The following GRID2IP variants were observed in gnomAD, a reference collection of about 807,000 sequenced individuals.
The protein encoded by GRID2IP is Grid2 interacting protein, also known as delphilin.
GRID2IP carries 78 observed loss-of-function variants against 114.3 expected under a neutral mutation model. The observed-to-expected ratio is 0.68, with a 90% confidence interval of 0.57 to 0.82. GRID2IP has a LOEUF of 0.82. Ranked by LOEUF, GRID2IP falls within the 40% of genes least tolerant of loss-of-function variation. The pLI is 0.00. For synonymous variants in GRID2IP, 809 were observed against 724.0 expected (o/e 1.12, Z -1.89); for missense variants, 1,727 against 1,678.5 (o/e 1.03, Z -0.51).
At chr7:6,503,785 C>G in intron 15 of GRID2IP, 98 bp from the exon 16 acceptor site, 1 of 867,030 alleles carries the variant, frequency 1.2e-6, no homozygotes, top group South Asian at 1.9e-5. Context: ...AGAGGGCGGA[C>G]ACGGGGCGGG....
At chr7:6,531,823 G>A (rs1054868006) in intron 2 of GRID2IP, among the ~76,000 whole-genome samples, 2 of 152,232 alleles carry the variant, frequency 1.3e-5, no homozygotes, top group African/African-American at 4.8e-5. Context: ...CCAGGAGAGG[G>A]CTGATGCTGG....
chr7:6,546,852 A>C (rs1259494766), intron 1 of GRID2IP, among the ~76,000 whole-genome samples: 3 of 152,018 alleles, frequency 2.0e-5, no homozygotes, highest in African/African-American at 7.2e-5. Context: ...GCCCCCTTCC[A>C]ACTCTGCAGG....
In GRID2IP at chr7:6,540,408, G is replaced by A. The variant is rs1319012690; in HGVS notation, c.430-536C>T. Reference sequence around the variant, plus strand: ...ATTACAAGCGTGAGCCACCGCGGCCGGCCATATCATGCCATTTCTAACCAT... The same window carrying A: ...ATTACAAGCGTGAGCCACCGCGGCCAGCCATATCATGCCATTTCTAACCAT... On this transcript the variant is annotated intron_variant, in intron 1 of 21. Transcript: ENST00000457091. Among the ~76,000 whole-genome samples the A allele has an allele frequency of 6.6e-5, 10 of 152,122 alleles. No individual in the cohort carries two copies. In the East Asian group the frequency reaches 1.4e-3, roughly 21 times the overall value.
chr7:6,519,164 G>A lies in GRID2IP; in HGVS notation c.1268+1414C>T, dbSNP rs1779367246. On this transcript the variant is annotated intron_variant, in intron 7 of 21. Coordinates refer to ENST00000457091, the MANE Select transcript of GRID2IP (RefSeq NM_001145118.2). The surrounding 1 kb of genome is among the most constrained non-coding windows in gnomAD (Gnocchi z 4.1). ...ACTCCTGGGCTCAAGCGATCCTCCT[G>A]CCTCAGCCTCCCAAAGTGCTGGGAT... 2.0e-5 allele frequency among the ~76,000 whole-genome samples: 3 copies of A among 152,194 alleles called. No individual in the cohort carries two copies. In the South Asian group the frequency reaches 6.2e-4, roughly 32 times the overall value.
chr7:6,539,689 C>A, intron 2 of GRID2IP, 29 bp downstream of exon 2: 1 of 1,521,178 alleles, frequency 6.6e-7, no homozygotes, highest in Non-Finnish European at 8.9e-7. Flanking sequence ...CCCACCCTGC[C>A]TGTCTATCCT....
rs1256765683 is a variant in GRID2IP, at chr7:6,509,633, G to T, written c.1772-320C>A. 7.9e-5 allele frequency among the ~76,000 whole-genome samples: 12 copies of T among 152,150 alleles called. No homozygotes were observed. ...TGGAGGGGTTTCTCTAGGGCCCAGA[G>T]CCACAGTCATGGAGCGTCTCGCGCA... On this transcript the variant is annotated intron_variant, in intron 11 of 21. Transcript: ENST00000457091. This position sits in a 1 kb window ranked among gnomAD's most constrained non-coding sequence, Gnocchi z 4.9.
At position 6,536,749 on chromosome 7, in the gene GRID2IP, G is replaced by A; in HGVS notation, c.584+2969C>T. The A allele has an allele frequency of 1.4e-6, 1 of 699,644 alleles. No homozygotes were observed. Among genetic ancestry groups the A allele is most frequent in the Middle Eastern group, 2.3e-4 (1 of 4,358 alleles). 43.3% of individuals were successfully genotyped at this position (699,644 alleles called of 1,614,324 possible). A position where few individuals can be genotyped will look rare whatever the true frequency, so the allele number is the denominator to read the frequency against. On this transcript the variant is annotated intron_variant, in intron 2 of 21. Transcript: ENST00000457091. This position sits in a 1 kb window ranked among gnomAD's most constrained non-coding sequence, Gnocchi z 5.3. ...CTCAGAGCCAGCGCATCATCTCCGC[G>A]GCAAATTCGGCTCTAGAAATAACTT...
rs1300225506 is a variant in GRID2IP, at chr7:6,528,297, C to A, written c.585-1528G>T. Among the ~76,000 whole-genome samples the A allele has an allele frequency of 2.0e-5, 3 of 152,170 alleles. No homozygotes were observed. Among genetic ancestry groups the A allele is most frequent in the African/African-American group, 7.2e-5 (3 of 41,442 alleles). ...GAGACTCAGTCAACAGGAGATCCAC[C>A]AGCAGCCTAACCCCATCTCTGAGTA... On this transcript the variant is annotated intron_variant, in intron 2 of 21. Coordinates refer to ENST00000457091, the MANE Select transcript of GRID2IP (RefSeq NM_001145118.2). This position sits in a 1 kb window ranked among gnomAD's most constrained non-coding sequence, Gnocchi z 6.0.
At chr7:6,505,170 G>A (rs1254265143) in intron 14 of GRID2IP, among the ~76,000 whole-genome samples, 1 of 152,086 alleles carries the variant, frequency 6.6e-6, no homozygotes, top group African/African-American at 2.4e-5. Flanking sequence ...AAGGGGTGAG[G>A]GCAAGAGAGC....
Position 6,509,209 on chromosome 7 carries a change from C to T in GRID2IP, c.1876G>A (p.Glu626Lys), listed in dbSNP as rs1205333592. 2 of 1,493,336 alleles carry T rather than the reference C, an allele frequency of 1.3e-6. No homozygotes were observed. Among genetic ancestry groups the T allele is most frequent in the Non-Finnish European group, 8.9e-7 (1 of 1,118,742 alleles). The allele number at this position is 1,493,336 out of a possible 1,614,324, so 92.5% of individuals were successfully genotyped here. The change falls in exon 12 of 22, where the codon GAG becomes AAG. Residue 626 changes from glutamate (E) to lysine (K), a missense_variant. Transcript: ENST00000457091. The surrounding 1 kb of genome is among the most constrained non-coding windows in gnomAD (Gnocchi z 4.9). ...SGGLASPSSS[E>K]SHPYASLDSS... is the part of the protein sequence containing the mutation. ...TCCAGGCTGGCGTAGGGGTGGGACT[C>T]AGAGCTGCTGGGGGAGGCCAGACCC... is the stretch of plus-strand genomic sequence containing the variant.
chr7:6,503,761 G>T, intron 15 of GRID2IP, 74 bp from the exon 16 acceptor site: 1 of 1,159,580 alleles, frequency 8.6e-7, no homozygotes, highest in Non-Finnish European at 1.2e-6. Flanking sequence ...GGAGAGGGCA[G>T]GGCAGAGGCG....
chr7:6,536,843 A>G lies in GRID2IP; in HGVS notation c.584+2875T>C. On this transcript the variant is annotated intron_variant, in intron 2 of 21. Transcript: ENST00000457091. The surrounding 1 kb of genome is among the most constrained non-coding windows in gnomAD (Gnocchi z 5.3). ...ACCCCTTACTCACCCCAGGCAGCTC[A>G]TGGTGGCCTCTTTCGGTGGTGGTCG... 1 of 545,860 alleles carries G rather than the reference A, an allele frequency of 1.8e-6. No individual in the cohort carries two copies. The highest frequency in any genetic ancestry group is 3.4e-6 in the Non-Finnish European group (1 of 291,506). The allele number at this position is 545,860 out of a possible 1,614,324, so 33.8% of individuals were successfully genotyped here. A position where few individuals can be genotyped will look rare whatever the true frequency, so the allele number is the denominator to read the frequency against.
rs576933518 is a variant in GRID2IP, at chr7:6,534,713, CT to C, written c.584+5004del. Among the ~76,000 whole-genome samples the C allele has an allele frequency of 2.4e-3, 349 of 147,214 alleles. 2 individuals carry two copies. Among genetic ancestry groups the C allele is most frequent in the East Asian group, 7.5e-3 (38 of 5,076 alleles). Reference sequence around the variant, plus strand: ...TTTATCAAATATTAATTACATTTAACTTTTTTTTTTTTGGAACAGAGTCTGG... The same window carrying C: ...TTTATCAAATATTAATTACATTTAACTTTTTTTTTTTGGAACAGAGTCTGG... On this transcript the variant is annotated intron_variant, in intron 2 of 21. Transcript: ENST00000457091. This position sits in a 1 kb window ranked among gnomAD's most constrained non-coding sequence, Gnocchi z 4.5.
At chr7:6,531,049 G>A in intron 2 of GRID2IP, 1 of 642,484 alleles carries the variant, frequency 1.6e-6, no homozygotes, top group Middle Eastern at 2.5e-4. Context: ...GGAGGCGCGG[G>A]ACGCGATGGG....
chr7:6,538,145 T>C lies in GRID2IP; in HGVS notation c.584+1573A>G, dbSNP rs551299420. On this transcript the variant is annotated intron_variant, in intron 2 of 21. Transcript: ENST00000457091. ...CACTTTGGGAGGCCATGGTGGGCGA[T>C]TGACTGAGCTCAGGAGTTTGAGGCC... Among the ~76,000 whole-genome samples, 14 of 152,052 alleles carry C rather than the reference T, an allele frequency of 9.2e-5. No homozygotes were observed. The South Asian group carries it at 1.3e-3, about 14-fold the overall frequency.
In GRID2IP at chr7:6,508,522, C is replaced by G; in HGVS notation, c.2128-121G>C. On this transcript the variant is annotated intron_variant, in intron 12 of 21. Transcript: ENST00000457091. The surrounding 1 kb of genome is among the most constrained non-coding windows in gnomAD (Gnocchi z 5.6). ...GGACAGGGCCATCTCACGGGTTAGC[C>G]TCAGGCTGTGAGGGACACCTGGGCT... The G allele has an allele frequency of 3.4e-6, 5 of 1,477,360 alleles. No individual in the cohort carries two copies. Among genetic ancestry groups the G allele is most frequent in the Non-Finnish European group, 3.6e-6 (4 of 1,107,538 alleles). 91.5% of individuals were successfully genotyped at this position (1,477,360 alleles called of 1,614,324 possible). A position where few individuals can be genotyped will look rare whatever the true frequency, so the allele number is the denominator to read the frequency against.
rs1281874527 is a variant in GRID2IP at position 6,505,861 on chromosome 7, T to C, written c.2591A>G (p.Tyr864Cys). 2 of 1,552,066 alleles carry C rather than the reference T, an allele frequency of 1.3e-6. No homozygotes were observed. The highest frequency in any genetic ancestry group is 1.7e-6 in the Non-Finnish European group (2 of 1,147,030). Reference protein sequence around the residue: ...DYDKLSDMVKYLDLELHFGTQ... With the variant: ...DYDKLSDMVKCLDLELHFGTQ... ...GCCGAAGTGGAGCTCCAGGTCGAGG[T>C]ATTTCACCATGTCACTCAGCTTATC... Residue 864 changes from tyrosine (Y) to cysteine (C), a missense_variant, in exon 14 of 22, where the codon TAC becomes TGC. Physicochemically the swap from Tyr to Cys is radical, Grantham distance 194. Coordinates refer to ENST00000457091, the MANE Select transcript of GRID2IP (RefSeq NM_001145118.2).
chr7:6,499,710 C>G (rs573116169), intron 20 of GRID2IP, among the ~76,000 whole-genome samples: 1 of 151,972 alleles, frequency 6.6e-6, no homozygotes, highest in Non-Finnish European at 1.5e-5. Context: ...GGATTACAGG[C>G]GTGAGCCACA....
rs1187983180 is a variant in GRID2IP at position 6,528,445 on chromosome 7, C to T, written c.585-1676G>A. 6.6e-6 allele frequency among the ~76,000 whole-genome samples: 1 copy of T among 152,200 alleles called. No homozygotes were observed. Among genetic ancestry groups the T allele is most frequent in the African/African-American group, 2.4e-5 (1 of 41,448 alleles). Reference sequence around the variant, plus strand: ...CTGTGGCACAGCTGGCATCAGAGAACAGACTTCAGCGCTCAGCACTGTGGC... The same window carrying T: ...CTGTGGCACAGCTGGCATCAGAGAATAGACTTCAGCGCTCAGCACTGTGGC... On this transcript the variant is annotated intron_variant, in intron 2 of 21. Transcript: ENST00000457091. The surrounding 1 kb of genome is among the most constrained non-coding windows in gnomAD (Gnocchi z 6.0).
Sources: gnomAD v4.1 joint callset for allele counts (sites outside exome capture counted in the v4.1 genomes callset) on GRCh38, gnomAD v4.1.1 for gene constraint, Gnocchi (gnomAD v3.1) non-coding constraint, MANE v1.5 for transcripts, NCBI Gene and HGNC (gene_info 2026-07-23, HGNC 2026-07-21) for gene names.